C2CD3: variants seen among roughly 807,000 people sequenced by gnomAD.
C2CD3 encodes the protein C2 domain-containing protein 3.
In C2CD3, 148 loss-of-function variants were observed where a neutral mutation model predicts 234.0. That is an observed-to-expected ratio of 0.63 (90% confidence interval 0.55 to 0.72). The LOEUF is 0.72. C2CD3 is among the 30% of genes least tolerant of loss of function. The pLI, the probability that C2CD3 is intolerant of heterozygous loss-of-function variation, is 0.00. For missense variants in C2CD3, 2,577 were observed against 2,811.5 expected (o/e 0.92, Z 1.89); for synonymous variants, 1,000 against 1,035.4 (o/e 0.97, Z 0.66).
intron 2 of C2CD3, 66 bp downstream of exon 2, chr11:74,168,278 T>C (rs1856933239): frequency 3.0e-6 from 4 of 1,321,854 alleles, no homozygotes; most frequent in Non-Finnish European, 4.3e-6. Context: ...ACAACACTTA[T>C]TGCTGACAAT....
Position 74,013,283 on chromosome 11 carries a change from T to C in C2CD3, c.*102A>G, listed in dbSNP as rs1951756691. The C allele has an allele frequency of 2.3e-6, 1 of 436,608 alleles. No homozygotes were observed. 27.0% of individuals were successfully genotyped at this position (436,608 alleles called of 1,614,324 possible). ...CCTAGGCAAGTGGTGGTTTCAGGAC[T>C]GTGACAGCCCTGAAGGAGCCAGACC... On this transcript the variant is annotated 3_prime_UTR_variant, in exon 33 of 33. Coordinates refer to ENST00000334126, the MANE Select transcript of C2CD3 (RefSeq NM_001286577.2).
At chr11:74,142,232 G>T (rs1361941123) in intron 3 of C2CD3, 1 of 152,200 alleles carries the variant, frequency 6.6e-6, no homozygotes, top group African/African-American at 2.4e-5. Context: ...ATCCCTGGGG[G>T]TTACAGATCT....
chr11:74,037,393 C>G (rs1952795696), intron 30 of C2CD3, 85 bp downstream of exon 30: 1 of 1,056,762 alleles, frequency 9.5e-7, no homozygotes, highest in Non-Finnish European at 1.5e-6. Flanking sequence ...GTCATAGGGG[C>G]TTGTCCGAAG....
intron 13 of C2CD3, among the ~76,000 whole-genome samples, chr11:74,104,224 G>A (rs1176046236): frequency 6.6e-6 from 1 of 152,126 alleles, no homozygotes; most frequent in Non-Finnish European, 1.5e-5. Context: ...AAAGGCTGCA[G>A]AACTGTTCCT....
chr11:74,095,166 T>C, intron 17 of C2CD3, 62 bp downstream of exon 17: 2 of 1,115,638 alleles, frequency 1.8e-6, no homozygotes, highest in Non-Finnish European at 2.4e-6. Context: ...AAAAAAAAAC[T>C]CTTAAGTATA....
rs537341696 is a variant in C2CD3, at chr11:74,147,410, C to A, written c.484-7582G>T. 2.0e-5 allele frequency among the ~76,000 whole-genome samples: 3 copies of A among 152,226 alleles called. No individual in the cohort carries two copies. In the East Asian group the frequency reaches 5.8e-4, roughly 29 times the overall value. ...CCAGCTTGGGCAACAGAGCAAGACC[C>A]CGTCTTAAATAACAACAGCAACGAC... On this transcript the variant is annotated intron_variant, in intron 3 of 32. Transcript: ENST00000334126.
intron 3 of C2CD3, among the ~76,000 whole-genome samples, chr11:74,156,972 A>G (rs1856074212): frequency 6.6e-6 from 1 of 152,206 alleles, no homozygotes; most frequent in Non-Finnish European, 1.5e-5. Flanking sequence ...CTCTGTCTCA[A>G]AAAAACCCCA....
intron 32 of C2CD3, among the ~76,000 whole-genome samples, chr11:74,019,787 A>G (rs558024830): frequency 3.6e-4 from 54 of 151,974 alleles, no homozygotes; most frequent in African/African-American, 1.2e-3. Flanking sequence ...AGTGATTCTC[A>G]TGCCTCAGCC....
At position 74,085,770 on chromosome 11, in the gene C2CD3, A is replaced by G. The variant is rs1432504243; in HGVS notation, c.3758T>C (p.Val1253Ala). The G allele has an allele frequency of 6.2e-7, 1 of 1,614,192 alleles. No homozygotes were observed. Among genetic ancestry groups the G allele is most frequent in the South Asian group, 1.1e-5 (1 of 91,086 alleles). Residue 1253 changes from valine to alanine, a missense_variant, in exon 21 of 33, where the codon GTG (valine) becomes GCG (alanine). Transcript: ENST00000334126. ...GAACTCAGGGCAGAAAGAACAGGCC[A>G]CAGGGTGGGTTCGGCGCTGTTCTCC... ...PQGEQRRTHP[V>A]ACSFCPEFSH... is the part of the protein sequence containing the mutation.
At position 74,042,233 on chromosome 11, in the gene C2CD3, A is replaced by G; in HGVS notation, c.5496-15T>C. ...TGGTATCACTTCTGTCAAAAAAAAA[A>G]AAAAAAAAAGTAGGAGCAAAATAAA... On this transcript the variant is annotated splice_polypyrimidine_tract_variant and intron_variant, in intron 28 of 32. Coordinates refer to ENST00000334126, the MANE Select transcript of C2CD3 (RefSeq NM_001286577.2). 2 of 1,590,230 alleles carry G rather than the reference A, an allele frequency of 1.3e-6. No individual in the cohort carries two copies. The highest frequency in any genetic ancestry group is 1.7e-6 in the Non-Finnish European group (2 of 1,173,892).
intron 26 of C2CD3, among the ~76,000 whole-genome samples, chr11:74,054,133 G>A (rs955559564): frequency 1.3e-4 from 19 of 151,824 alleles, no homozygotes; most frequent in African/African-American, 2.9e-4. Context: ...TTAGCCGGGC[G>A]TGGTGGCAGG....
At chr11:74,157,440 C>A (rs992455058) in intron 3 of C2CD3, among the ~76,000 whole-genome samples, 8 of 152,052 alleles carry the variant, frequency 5.3e-5, no homozygotes, top group Non-Finnish European at 8.8e-5. Flanking sequence ...CTCACTTCAC[C>A]CTTAAGTCAT....
chr11:74,068,073 T>TA (rs1954625975), intron 24 of C2CD3, among the ~76,000 whole-genome samples: 1 of 152,174 alleles, frequency 6.6e-6, no homozygotes, highest in African/African-American at 2.4e-5. Flanking sequence ...ATTCTGAACT[T>TA]AAAAGATTTA....
intron 3 of C2CD3, among the ~76,000 whole-genome samples, chr11:74,141,472 T>C (rs1325385964): frequency 6.6e-6 from 1 of 152,158 alleles, no homozygotes; most frequent in Non-Finnish European, 1.5e-5. Context: ...AAGGAGACAC[T>C]GAGGATAAAG....
chr11:74,137,087 C>T (rs1957889200), intron 5 of C2CD3, among the ~76,000 whole-genome samples: 1 of 150,326 alleles, frequency 6.7e-6, no homozygotes, highest in South Asian at 2.1e-4. Flanking sequence ...GACTCGAACT[C>T]CTAGGCTCAA....
chr11:74,013,078 G>C lies in C2CD3; in HGVS notation c.*307C>G, dbSNP rs1001588272. 5.6e-6 allele frequency: 1 copy of C among 180,114 alleles called. No individual in the cohort carries two copies. Among genetic ancestry groups the C allele is most frequent in the African/African-American group, 2.3e-5 (1 of 42,560 alleles). The allele number at this position is 180,114 out of a possible 1,614,324, so 11.2% of individuals were successfully genotyped here. Reference sequence around the variant, plus strand: ...AGCAGTCAGCTGTGTCAAGGACACTGGGGGGCGTTTCTCCACCGAAAGATG... The same window carrying C: ...AGCAGTCAGCTGTGTCAAGGACACTCGGGGGCGTTTCTCCACCGAAAGATG... On this transcript the variant is annotated 3_prime_UTR_variant, in exon 33 of 33. Transcript: ENST00000334126.
chr11:74,079,636 A>C (rs1258964429), intron 22 of C2CD3, among the ~76,000 whole-genome samples: 1 of 151,536 alleles, frequency 6.6e-6, no homozygotes, highest in African/African-American at 2.4e-5. Context: ...CTGAGGACTA[A>C]ATGGGAGAAT....
chr11:74,023,995 C>T (rs1258075833), intron 32 of C2CD3, among the ~76,000 whole-genome samples: 1 of 152,140 alleles, frequency 6.6e-6, no homozygotes, highest in East Asian at 1.9e-4. Context: ...AACCCACAAC[C>T]CAATCTAAGA....
intron 24 of C2CD3, among the ~76,000 whole-genome samples, chr11:74,060,222 A>G (rs1247695626): frequency 6.6e-6 from 1 of 152,152 alleles, no homozygotes; most frequent in Admixed American, 6.5e-5. Flanking sequence ...GGCAACAGAA[A>G]CTTCTGCAGA....
Sources: gnomAD v4.1 joint callset for allele counts (sites outside exome capture counted in the v4.1 genomes callset) on GRCh38, gnomAD v4.1.1 for gene constraint, MANE v1.5 for transcripts, NCBI Gene and HGNC (gene_info 2026-07-23, HGNC 2026-07-21) for gene names.